METTL24: variants seen among roughly 807,000 people sequenced by gnomAD.
METTL24 encodes the protein probable methyltransferase-like protein 24.
A neutral mutation model predicts 32.7 loss-of-function variants in METTL24; 29 were observed. The ratio of observed to expected loss-of-function variants is 0.89; its 90% confidence interval spans 0.66 to 1.21. METTL24 has a LOEUF of 1.21. METTL24 is among the 50% of genes most tolerant of loss of function. The pLI, the probability that METTL24 is intolerant of heterozygous loss-of-function variation, is 0.00. For synonymous variants in METTL24, 163 were observed against 179.5 expected, an observed-to-expected ratio of 0.91 and a Z score of 0.73; for missense variants, 439 against 468.1, an observed-to-expected ratio of 0.94 and a Z score of 0.57.
At chr6:110,293,529 C>CAAT (rs1331633964) in intron 4 of METTL24, among the ~76,000 whole-genome samples, 1 of 151,820 alleles carries the variant, frequency 6.6e-6, no homozygotes, top group Admixed American at 6.6e-5. Context: ...ATATGTCCTT[C>CAAT]AATAATAATA....
intron 3 of METTL24, among the ~76,000 whole-genome samples, chr6:110,309,587 A>G (rs1339232356): frequency 6.6e-6 from 1 of 152,200 alleles, no homozygotes; most frequent in East Asian, 1.9e-4. Context: ...ATCATGGCAG[A>G]AGGCAAGGAG....
chr6:110,351,825 G>A (rs1175559298), intron 1 of METTL24, among the ~76,000 whole-genome samples: 3 of 152,158 alleles, frequency 2.0e-5, no homozygotes, highest in African/African-American at 7.2e-5. Flanking sequence ...TGAGGGAGAA[G>A]ATCAAAGAAT....
intron 2 of METTL24, among the ~76,000 whole-genome samples, chr6:110,316,165 C>T (rs1305714459): frequency 6.6e-6 from 1 of 152,188 alleles, no homozygotes; most frequent in East Asian, 1.9e-4. Flanking sequence ...AGGGCAACAG[C>T]CCCAGGCAGG....
intron 4 of METTL24, among the ~76,000 whole-genome samples, chr6:110,258,646 G>A (rs1359279953): frequency 6.6e-6 from 1 of 152,088 alleles, no homozygotes; most frequent in Non-Finnish European, 1.5e-5. Flanking sequence ...ATTAGAGCCA[G>A]TAGGGACTTT....
intron 1 of METTL24, among the ~76,000 whole-genome samples, chr6:110,351,593 G>T (rs377539238): frequency 1.3e-5 from 2 of 152,292 alleles, no homozygotes; most frequent in Non-Finnish European, 2.9e-5. Flanking sequence ...AAACCTAAGG[G>T]CAAAACTGCA....
rs1195740747 is a variant in METTL24 at position 110,295,013 on chromosome 6, C to CTTTTTTTTTTTTTTTTTTTTT, written c.786+3888_786+3908dup. On this transcript the variant is annotated intron_variant, in intron 4 of 4. Coordinates refer to ENST00000338882, the MANE Select transcript of METTL24 (RefSeq NM_001123364.3). ...ATTGCTTTTCTTTTTTTCTTTCTTT[C>CTTTTTTTTTTTTTTTTTTTTT]TTTTTTTTTTTTTTTTTTTTTTTTT... Among the ~76,000 whole-genome samples, 31 of 78,126 alleles carry CTTTTTTTTTTTTTTTTTTTTT rather than the reference C, an allele frequency of 4.0e-4. 2 individuals carry two copies. The highest frequency in any genetic ancestry group is 6.0e-4 in the African/African-American group (11 of 18,332). The allele number at this position is 78,126 out of a possible 152,430, so 51.3% of individuals were successfully genotyped here.
intron 4 of METTL24, among the ~76,000 whole-genome samples, chr6:110,286,974 T>G (rs74689600): frequency 2.9e-4 from 44 of 152,220 alleles, no homozygotes; most frequent in African/African-American, 9.9e-4. Context: ...GACCTTGTGA[T>G]CTTGTGAGTT....
chr6:110,274,009 G>C (rs933135131), intron 4 of METTL24, among the ~76,000 whole-genome samples: 2 of 152,244 alleles, frequency 1.3e-5, no homozygotes, highest in Admixed American at 6.5e-5. Flanking sequence ...TAAAGAAAAT[G>C]TGGTATCTAT....
intron 3 of METTL24, among the ~76,000 whole-genome samples, chr6:110,314,956 C>T (rs1432978741): frequency 6.6e-6 from 1 of 152,040 alleles, no homozygotes. Flanking sequence ...AGAGTGAGAT[C>T]CCCTTTCAAG....
chr6:110,326,697 C>T (rs1772022764), intron 1 of METTL24, among the ~76,000 whole-genome samples: 1 of 152,166 alleles, frequency 6.6e-6, no homozygotes. Context: ...TGTCTGGTAA[C>T]ACCGGAGAGC....
At chr6:110,286,879 G>A (rs574751782) in intron 4 of METTL24, among the ~76,000 whole-genome samples, 1 of 152,290 alleles carries the variant, frequency 6.6e-6, no homozygotes, top group Admixed American at 6.5e-5. Flanking sequence ...TGCTTCATGC[G>A]CTTGAACGTC....
chr6:110,327,417 C>T (rs1436892169), intron 1 of METTL24, among the ~76,000 whole-genome samples: 1 of 152,206 alleles, frequency 6.6e-6, no homozygotes, highest in East Asian at 1.9e-4. Flanking sequence ...TTTTCATTTC[C>T]AACTGAGTGT....
intron 4 of METTL24, among the ~76,000 whole-genome samples, chr6:110,286,312 G>T (rs986927240): frequency 6.6e-6 from 1 of 152,186 alleles, no homozygotes; most frequent in African/African-American, 2.4e-5. Flanking sequence ...TCAAAGGGAT[G>T]ATCTTCACAT....
At chr6:110,344,351 C>A (rs1388368535) in intron 1 of METTL24, among the ~76,000 whole-genome samples, 1 of 152,134 alleles carries the variant, frequency 6.6e-6, no homozygotes, top group Non-Finnish European at 1.5e-5. Flanking sequence ...TTTTTTCTCA[C>A]CCACCCTCCT....
chr6:110,341,560 A>C (rs1237646121), intron 1 of METTL24, among the ~76,000 whole-genome samples: 1 of 152,222 alleles, frequency 6.6e-6, no homozygotes, highest in Admixed American at 6.5e-5. Flanking sequence ...CTAACCTGAC[A>C]AAATTGCTGA....
At chr6:110,322,685 G>A (rs1005278967) in intron 2 of METTL24, 89 bp downstream of exon 2, 21 of 1,076,816 alleles carry the variant, frequency 2.0e-5, no homozygotes, top group Admixed American at 8.1e-5. Flanking sequence ...ATCAGGAGTC[G>A]CTGAGAACCT....
chr6:110,274,195 C>T (rs1038737355), intron 4 of METTL24, among the ~76,000 whole-genome samples: 9 of 152,070 alleles, frequency 5.9e-5, no homozygotes, highest in East Asian at 1.9e-4. Context: ...CGGGTTCAAG[C>T]GATTCTCCTC....
intron 1 of METTL24, among the ~76,000 whole-genome samples, chr6:110,345,136 AAAG>A (rs1478714970): frequency 1.3e-5 from 2 of 152,240 alleles, no homozygotes; most frequent in Non-Finnish European, 2.9e-5. Context: ...ACATTTCTCT[AAAG>A]AAGATTTACA....
chr6:110,357,913 G>T, intron 1 of METTL24, 42 bp downstream of exon 1: 2 of 1,140,464 alleles, frequency 1.8e-6, no homozygotes, highest in Non-Finnish European at 1.1e-6. Flanking sequence ...TCGGGAGGGG[G>T]CTTCTGGTCC....
Sources: allele counts gnomAD v4.1 joint callset (sites outside exome capture counted in the v4.1 genomes callset), GRCh38; gene constraint gnomAD v4.1.1; transcripts MANE v1.5; gene names NCBI Gene and HGNC (gene_info 2026-07-23, HGNC 2026-07-21).